Variants in SNX29 observed in about 807,000 individuals in gnomAD.
SNX29 encodes the protein sorting nexin 29, also known as sorting nexin-29.
SNX29 carries 78 observed loss-of-function variants against 102.1 expected under a neutral mutation model. The ratio of observed to expected loss-of-function variants is 0.76; its 90% CI spans 0.64 to 0.92. SNX29 has a LOEUF of 0.92. SNX29 is among the 40% of genes least tolerant of loss of function. The probability of loss-of-function intolerance (pLI) is 0.00; values close to 1 mark genes in which losing one functional copy is unlikely to be tolerated. For missense variants in SNX29, 1,280 were observed against 1,061.7 expected (o/e 1.21, Z -2.86); for synonymous variants, 580 against 414.5 (o/e 1.40, Z -4.85).
intron 15 of SNX29, among the ~76,000 whole-genome samples, chr16:12,326,519 G>C (rs1226571841): frequency 6.6e-6 from 1 of 152,044 alleles, no homozygotes; most frequent in Non-Finnish European, 1.5e-5. Flanking sequence ...GCTCAGCTCT[G>C]CCGGTGTGTC....
chr16:12,447,590 C>A lies in SNX29; in HGVS notation c.2038-30129C>A, dbSNP rs116313609. 8.4e-3 allele frequency among the ~76,000 whole-genome samples: 1,280 copies of A among 152,298 alleles called. 20 individuals carry two copies. The highest frequency in any genetic ancestry group is 0.029 in the African/African-American group (1,215 of 41,542). On this transcript the variant is annotated intron_variant, in intron 18 of 20. Transcript: ENST00000566228. ...CAGCAGCCTGTTCTCCTAGGTCTTA[C>A]AGCAAAATCAATATTCCCTTGCTGT...
At chr16:12,145,588 C>CA (rs1433659585) in intron 13 of SNX29, among the ~76,000 whole-genome samples, 1 of 152,196 alleles carries the variant, frequency 6.6e-6, no homozygotes, top group Non-Finnish European at 1.5e-5. Flanking sequence ...ATCACCTGAA[C>CA]ACAATTACCA....
intron 18 of SNX29, among the ~76,000 whole-genome samples, chr16:12,406,274 G>A (rs1164091331): frequency 6.6e-6 from 1 of 152,198 alleles, no homozygotes; most frequent in East Asian, 1.9e-4. Context: ...TTGTGAAAGG[G>A]AAATGTGGTT....
intron 15 of SNX29, among the ~76,000 whole-genome samples, chr16:12,336,517 G>C (rs1270667046): frequency 9.2e-5 from 14 of 152,214 alleles, no homozygotes; most frequent in Admixed American, 9.2e-4. Context: ...AAAGATATTG[G>C]AATACTGTGT....
intron 15 of SNX29, among the ~76,000 whole-genome samples, chr16:12,292,292 T>A (rs1053717304): frequency 6.6e-6 from 1 of 152,204 alleles, no homozygotes; most frequent in African/African-American, 2.4e-5. Flanking sequence ...TTTTTAGCAC[T>A]GTTTGTCATT....
intron 18 of SNX29, among the ~76,000 whole-genome samples, chr16:12,418,328 A>G (rs1005723717): frequency 6.6e-6 from 1 of 152,096 alleles, no homozygotes. Flanking sequence ...GCCACAACAC[A>G]CATCAGATGT....
intron 15 of SNX29, among the ~76,000 whole-genome samples, chr16:12,317,534 C>A (rs557810592): frequency 2.6e-5 from 4 of 152,134 alleles, no homozygotes; most frequent in Non-Finnish European, 5.9e-5. Context: ...AGGATGGGAA[C>A]GTGCTGCTTG....
At chr16:12,234,445 G>C (rs894948930) in intron 14 of SNX29, among the ~76,000 whole-genome samples, 2 of 151,690 alleles carry the variant, frequency 1.3e-5, no homozygotes, top group African/African-American at 4.8e-5. Context: ...TGAGTTCTTT[G>C]TGTATTGTGG....
chr16:12,438,322 GAGCTC>G (rs1248409158), intron 18 of SNX29, among the ~76,000 whole-genome samples: 1 of 152,118 alleles, frequency 6.6e-6, no homozygotes, highest in Non-Finnish European at 1.5e-5. Flanking sequence ...CCTAATTTGA[GAGCTC>G]AGCTGGGTTC....
At chr16:12,080,324 G>C (rs945907313) in intron 11 of SNX29, among the ~76,000 whole-genome samples, 14 of 152,300 alleles carry the variant, frequency 9.2e-5, no homozygotes, top group Non-Finnish European at 1.8e-4. Flanking sequence ...ACACCGTAAG[G>C]CTGCTGCGTG....
intron 13 of SNX29, among the ~76,000 whole-genome samples, chr16:12,184,226 C>T (rs2076459135): frequency 6.6e-6 from 1 of 152,166 alleles, no homozygotes; most frequent in African/African-American, 2.4e-5. Flanking sequence ...ACATACGGTT[C>T]ATATTCACGG....
chr16:12,572,189 G>A lies in SNX29; in HGVS notation c.*3560G>A. 2 of 964,530 alleles carry A rather than the reference G, an allele frequency of 2.1e-6. No individual in the cohort carries two copies. Among genetic ancestry groups the A allele is most frequent in the African/African-American group, 1.7e-5 (1 of 58,984 alleles). The allele number at this position is 964,530 out of a possible 1,614,324, so 59.7% of individuals were successfully genotyped here. ...AACCATGTAATTTCTTAGAACCATG[G>A]CAGGTAGTATTGTGCTTTAAAAACC... is the stretch of plus-strand genomic sequence containing the variant. On this transcript the variant is annotated 3_prime_UTR_variant, in exon 21 of 21. Coordinates refer to ENST00000566228, the MANE Select transcript of SNX29 (RefSeq NM_032167.5).
chr16:12,276,189 T>C (rs371977995), intron 14 of SNX29, among the ~76,000 whole-genome samples: 1 of 152,278 alleles, frequency 6.6e-6, no homozygotes, highest in African/African-American at 2.4e-5. Context: ...CCACCGCACC[T>C]GGCCTTAATT....
intron 20 of SNX29, among the ~76,000 whole-genome samples, chr16:12,538,518 C>T (rs779813768): frequency 3.9e-5 from 6 of 152,250 alleles, no homozygotes; most frequent in South Asian, 2.1e-4. Flanking sequence ...TATGTGATAA[C>T]ATATTGCTTA....
At chr16:12,436,266 T>G (rs1401747847) in intron 18 of SNX29, among the ~76,000 whole-genome samples, 1 of 152,094 alleles carries the variant, frequency 6.6e-6, no homozygotes, top group Non-Finnish European at 1.5e-5. Flanking sequence ...GCGCTGGCTC[T>G]CCACAGGAGG....
intron 13 of SNX29, among the ~76,000 whole-genome samples, chr16:12,152,239 A>T (rs972937166): frequency 6.6e-6 from 1 of 152,120 alleles, no homozygotes; most frequent in East Asian, 1.9e-4. Context: ...AATGCATGCA[A>T]TAATACACAT....
Position 12,396,741 on chromosome 16 carries a change from G to C in SNX29, c.1900-1705G>C, listed in dbSNP as rs943856071. The stretch of plus-strand genomic sequence containing the variant: ...CTCTGACACCTTGCTTTCTGGATTT[G>C]AGTGAAATGCATGGAGTGGGATGAG... On this transcript the variant is annotated intron_variant, in intron 16 of 20. Transcript: ENST00000566228. 2.0e-5 allele frequency among the ~76,000 whole-genome samples: 3 copies of C among 152,318 alleles called. No individual in the cohort carries two copies. In the South Asian group the frequency reaches 6.2e-4, roughly 32 times the overall value.
At chr16:12,504,867 T>G (rs2089301672) in intron 19 of SNX29, among the ~76,000 whole-genome samples, 1 of 152,246 alleles carries the variant, frequency 6.6e-6, no homozygotes, top group South Asian at 2.1e-4. Flanking sequence ...GCGGGACCAC[T>G]GTACTTCATT....
chr16:12,393,548 T>G (rs890322058), intron 16 of SNX29, among the ~76,000 whole-genome samples: 2 of 151,864 alleles, frequency 1.3e-5, no homozygotes, highest in African/African-American at 4.9e-5. Flanking sequence ...CAAGGAGGGT[T>G]CCAATCCACA....
Sources: allele counts gnomAD v4.1 joint callset (sites outside exome capture counted in the v4.1 genomes callset), GRCh38; gene constraint gnomAD v4.1.1; transcripts MANE v1.5; gene names NCBI Gene and HGNC (gene_info 2026-07-23, HGNC 2026-07-21).